Variants in GLI3 observed in about 807,000 individuals in gnomAD.
GLI3 encodes the protein GLI family zinc finger 3, also known as transcription activator GLI3.
Under a neutral mutation model 100.8 loss-of-function variants are expected in GLI3, and 20 were observed. That is an observed-to-expected ratio of 0.20 (90% CI 0.14 to 0.29). GLI3 has a LOEUF of 0.29. GLI3 is among the 10% of genes least tolerant of loss of function. The pLI is 1.00. For synonymous variants in GLI3, 938 were observed against 860.5 expected (o/e 1.09, Z -1.58); for missense variants, 2,040 against 2,128.5 (o/e 0.96, Z 0.82).
intron 10 of GLI3, among the ~76,000 whole-genome samples, chr7:42,010,118 A>G (rs1476981205): frequency 6.6e-6 from 1 of 152,234 alleles, no homozygotes; most frequent in Non-Finnish European, 1.5e-5. Context: ...ACTGACTTGC[A>G]GCACTTTCTC....
intron 10 of GLI3, among the ~76,000 whole-genome samples, chr7:41,979,268 G>A (rs916907419): frequency 6.6e-6 from 1 of 152,198 alleles, no homozygotes; most frequent in Non-Finnish European, 1.5e-5. Flanking sequence ...AAAAGCACTT[G>A]CAAATGAAAC....
At chr7:42,216,840 T>C (rs1788387576) in intron 2 of GLI3, among the ~76,000 whole-genome samples, 1 of 152,232 alleles carries the variant, frequency 6.6e-6, no homozygotes, top group Non-Finnish European at 1.5e-5. Flanking sequence ...CCCTTGCATT[T>C]AGCTAAAGCA....
At chr7:42,036,919 G>C (rs913746764) in intron 7 of GLI3, among the ~76,000 whole-genome samples, 5 of 152,076 alleles carry the variant, frequency 3.3e-5, no homozygotes, top group Admixed American at 3.3e-4. Context: ...AGGCGGGTGG[G>C]TTGCCTGAGT....
chr7:42,153,328 T>C (rs1786921111), intron 2 of GLI3, among the ~76,000 whole-genome samples: 1 of 152,206 alleles, frequency 6.6e-6, no homozygotes, highest in African/African-American at 2.4e-5. Flanking sequence ...TATAGCTCAA[T>C]CCCTTAACCG....
intron 3 of GLI3, among the ~76,000 whole-genome samples, chr7:42,096,814 G>T (rs1479088979): frequency 6.6e-6 from 1 of 152,190 alleles, no homozygotes; most frequent in African/African-American, 2.4e-5. Context: ...CAAGGGCCTG[G>T]TGCCATCAAA....
intron 4 of GLI3, among the ~76,000 whole-genome samples, chr7:42,052,989 T>C (rs1220386306): frequency 6.6e-6 from 1 of 152,196 alleles, no homozygotes; most frequent in Non-Finnish European, 1.5e-5. Flanking sequence ...TTGTCAGTTA[T>C]TGTGGCTTTG....
chr7:42,252,248 A>G (rs1057499284), intron 1 of GLI3, among the ~76,000 whole-genome samples: 1 of 152,218 alleles, frequency 6.6e-6, no homozygotes, highest in Admixed American at 6.5e-5. Flanking sequence ...GGAACAGCAA[A>G]CCAAATACCG....
At chr7:42,090,124 C>G (rs1785186708) in intron 3 of GLI3, among the ~76,000 whole-genome samples, 1 of 152,096 alleles carries the variant, frequency 6.6e-6, no homozygotes, top group Non-Finnish European at 1.5e-5. Flanking sequence ...AGCAAAAATA[C>G]AGTATTAAAA....
At chr7:42,033,527 G>C (rs1052126096) in intron 7 of GLI3, among the ~76,000 whole-genome samples, 1 of 152,104 alleles carries the variant, frequency 6.6e-6, no homozygotes. Flanking sequence ...GTAAAGTCAG[G>C]CAACAGGAAC....
At chr7:42,190,314 C>T (rs1368996827) in intron 2 of GLI3, among the ~76,000 whole-genome samples, 1 of 152,080 alleles carries the variant, frequency 6.6e-6, no homozygotes, top group Non-Finnish European at 1.5e-5. Context: ...CAAACTAAAA[C>T]ACCACGGGCA....
At chr7:42,056,770 G>A (rs1403654077) in intron 4 of GLI3, among the ~76,000 whole-genome samples, 1 of 148,074 alleles carries the variant, frequency 6.8e-6, no homozygotes, top group Non-Finnish European at 1.5e-5. Context: ...GACCAACATG[G>A]AGAAACCCCG....
intron 4 of GLI3, among the ~76,000 whole-genome samples, chr7:42,056,768 T>C (rs1039620233): frequency 2.0e-5 from 3 of 150,840 alleles, no homozygotes; most frequent in Non-Finnish European, 4.4e-5. Context: ...GTGACCAACA[T>C]GGAGAAACCC....
At chr7:41,978,560 A>G (rs1225953687) in intron 11 of GLI3, 39 bp downstream of exon 11, 15 of 1,606,276 alleles carry the variant, frequency 9.3e-6, no homozygotes, top group Non-Finnish European at 1.3e-5. Context: ...GAGTATGGGG[A>G]AGGACCCAAG....
chr7:42,055,075 A>G (rs1476562574), intron 4 of GLI3, among the ~76,000 whole-genome samples: 2 of 137,508 alleles, frequency 1.5e-5, no homozygotes, highest in Non-Finnish European at 3.0e-5. Flanking sequence ...GTATACATAT[A>G]TATGTATATA....
intron 10 of GLI3, among the ~76,000 whole-genome samples, chr7:41,995,813 T>TGCAGACAC (rs1417611541): frequency 3.3e-5 from 5 of 152,098 alleles, no homozygotes. Flanking sequence ...CATGCAGACA[T>TGCAGACAC]GCAGACACAA....
chr7:42,215,417 G>A (rs1027588847), intron 2 of GLI3, among the ~76,000 whole-genome samples: 5 of 152,062 alleles, frequency 3.3e-5, no homozygotes, highest in African/African-American at 4.8e-5. Flanking sequence ...AGCCCTCCTC[G>A]ACCTTGGGGG....
rs1787114669 is a variant in GLI3, at chr7:41,964,802, T to A, written c.4271A>T (p.Glu1424Val). 6.2e-7 allele frequency: 1 copy of A among 1,613,780 alleles called. No homozygotes were observed. The highest frequency in any genetic ancestry group is 1.7e-5 in the Admixed American group (1 of 60,018). The part of the protein sequence containing the change: ...QTCRVNGIKM[E>V]MKGQPHPLCS... ...CAGCGGATGGGGCTGCCCTTTCATC[T>A]CCATCTTGATACCATTCACCCTGCA... The change falls in exon 15 of 15, where the codon GAG becomes GTG. Residue 1424 changes from glutamate (E) to valine (V), a missense_variant. Glu to Val is a moderately radical substitution (Grantham distance 121, BLOSUM62 -2). Around this residue, in one of 5 missense-constraint regions of GLI3, gnomAD observed 1,041 missense variants for 924.0 expected, o/e 1.13. Transcript: ENST00000395925.
chr7:42,116,370 T>A (rs77937557), intron 3 of GLI3, among the ~76,000 whole-genome samples: 1 of 151,004 alleles, frequency 6.6e-6, no homozygotes, highest in Non-Finnish European at 1.5e-5. Context: ...GCTCAACCCA[T>A]AAACAACACT....
intron 2 of GLI3, among the ~76,000 whole-genome samples, chr7:42,205,066 G>C (rs1788121698): frequency 6.6e-6 from 1 of 152,152 alleles, no homozygotes; most frequent in Admixed American, 6.5e-5. Flanking sequence ...CGAAGTTGAG[G>C]CTTAAGAAAC....
Sources: gnomAD v4.1 joint callset for allele counts (sites outside exome capture counted in the v4.1 genomes callset) on GRCh38, gnomAD v4.1.1 for gene constraint, gnomAD v4.1.1 regional missense constraint, MANE v1.5 for transcripts, NCBI Gene and HGNC (gene_info 2026-07-23, HGNC 2026-07-21) for gene names.